TBC1D8: variants seen among roughly 807,000 people sequenced by gnomAD.
TBC1D8 encodes the protein TBC1 domain family member 8.
A neutral mutation model predicts 118.8 loss-of-function variants in TBC1D8; 65 were observed. The observed-to-expected ratio is 0.55, with a 90% confidence interval of 0.45 to 0.67. The LOEUF (loss-of-function observed/expected upper bound fraction) is 0.67. TBC1D8 is among the 30% of genes least tolerant of loss of function. TBC1D8 has a pLI of 0.00. For synonymous variants in TBC1D8, 566 were observed against 595.8 expected (o/e 0.95, Z 0.73); for missense variants, 1,376 against 1,471.2 (o/e 0.94, Z 1.06).
chr2:101,033,784 G>A (rs1396786193), intron 9 of TBC1D8, 26 bp from the exon 10 acceptor site: 11 of 1,602,656 alleles, frequency 6.9e-6, no homozygotes, highest in Non-Finnish European at 9.4e-6. Flanking sequence ...AATGTTTCAA[G>A]GGGGAATGAT....
intron 19 of TBC1D8, among the ~76,000 whole-genome samples, chr2:101,009,785 C>CCAAATGGTTA (rs1333630390): frequency 6.6e-6 from 1 of 151,426 alleles, no homozygotes; most frequent in Non-Finnish European, 1.5e-5. Flanking sequence ...TCGTAGTCCA[C>CCAAATGGTTA]AGCACCAAAA....
At chr2:101,098,553 A>C in intron 1 of TBC1D8, among the ~76,000 whole-genome samples, 1 of 152,214 alleles carries the variant, frequency 6.6e-6, no homozygotes, top group East Asian at 1.9e-4. Context: ...CCAAATCAAC[A>C]GTGTATACAT....
rs1328973603 is a variant in TBC1D8, at chr2:101,090,488, G to A, written c.128-124C>T. On this transcript the variant is annotated intron_variant, in intron 1 of 19. Transcript: ENST00000409318. ...GGTAGCAGAGACAGTTTTACATCCA[G>A]TTCTTCAACTCACCTCACAAAGCCT... is the stretch of plus-strand genomic sequence containing the variant. The A allele has an allele frequency of 9.9e-6, 10 of 1,011,192 alleles. No homozygotes were observed. The Admixed American group carries it at 1.0e-4, about 10-fold the overall frequency. The allele number at this position is 1,011,192 out of a possible 1,614,324, so 62.6% of individuals were successfully genotyped here.
intron 1 of TBC1D8, among the ~76,000 whole-genome samples, chr2:101,123,104 T>C (rs1369379435): frequency 6.6e-6 from 1 of 152,110 alleles, no homozygotes; most frequent in Non-Finnish European, 1.5e-5. Flanking sequence ...GGCATGGTGG[T>C]GCGCACCTTG....
intron 3 of TBC1D8, among the ~76,000 whole-genome samples, chr2:101,056,207 ATTT>A (rs201834408): frequency 1.4e-4 from 20 of 140,248 alleles, no homozygotes; most frequent in East Asian, 8.3e-4. Flanking sequence ...TATTATTATT[ATTT>A]TTTTTTTTTT....
At chr2:101,039,106 C>A (rs1213474654) in intron 6 of TBC1D8, among the ~76,000 whole-genome samples, 2 of 152,142 alleles carry the variant, frequency 1.3e-5, no homozygotes, top group Non-Finnish European at 2.9e-5. Flanking sequence ...GACAGTGTTT[C>A]CATTGTCAGT....
At chr2:101,037,474 C>G (rs576166535) in intron 8 of TBC1D8, 58 bp downstream of exon 8, 1 of 1,569,494 alleles carries the variant, frequency 6.4e-7, no homozygotes, top group Non-Finnish European at 8.6e-7. Flanking sequence ...AGCTGGGCAA[C>G]CCCCCCAAGC....
chr2:101,059,314 C>CAA (rs1483036728), intron 3 of TBC1D8, 107 bp downstream of exon 3: 22 of 833,426 alleles, frequency 2.6e-5, no homozygotes, highest in Non-Finnish European at 4.2e-5. Context: ...CGTATTGAGC[C>CAA]AAAAGTTCAG....
At chr2:101,039,969 AG>A (rs1211236171) in intron 6 of TBC1D8, among the ~76,000 whole-genome samples, 1 of 152,180 alleles carries the variant, frequency 6.6e-6, no homozygotes, top group Non-Finnish European at 1.5e-5. Flanking sequence ...AGGATGCCAT[AG>A]CAACAGCAGA....
chr2:101,039,317 C>T (rs141439852), intron 6 of TBC1D8, among the ~76,000 whole-genome samples: 8 of 152,274 alleles, frequency 5.3e-5, no homozygotes, highest in African/African-American at 1.9e-4. Flanking sequence ...AAAATGAAGA[C>T]ATCTACTACA....
intron 2 of TBC1D8, among the ~76,000 whole-genome samples, chr2:101,086,908 T>C (rs1675669428): frequency 6.6e-6 from 1 of 151,936 alleles, no homozygotes; most frequent in Non-Finnish European, 1.5e-5. Flanking sequence ...CTCAGCTTCC[T>C]GAGTAGCTGA....
chr2:101,099,334 C>T (rs887549306), intron 1 of TBC1D8, among the ~76,000 whole-genome samples: 3 of 152,134 alleles, frequency 2.0e-5, no homozygotes, highest in Admixed American at 6.5e-5. Context: ...CCTGAATAGA[C>T]CAATAACAAG....
At chr2:101,115,200 C>T (rs572595100) in intron 1 of TBC1D8, among the ~76,000 whole-genome samples, 42 of 152,294 alleles carry the variant, frequency 2.8e-4, no homozygotes, top group African/African-American at 9.6e-4. Flanking sequence ...GAAAATCTGT[C>T]CTTTTGACCC....
At chr2:101,034,501 G>C (rs893963385) in intron 9 of TBC1D8, among the ~76,000 whole-genome samples, 1 of 152,230 alleles carries the variant, frequency 6.6e-6, no homozygotes, top group Non-Finnish European at 1.5e-5. Context: ...GAAGTGCCCA[G>C]CCCAGAAAAC....
chr2:101,078,079 A>G (rs1345780881), intron 2 of TBC1D8, among the ~76,000 whole-genome samples: 1 of 152,136 alleles, frequency 6.6e-6, no homozygotes, highest in African/African-American at 2.4e-5. Flanking sequence ...CACACTGCTA[A>G]GATTGTATCC....
At chr2:101,091,186 G>A (rs1046631778) in intron 1 of TBC1D8, among the ~76,000 whole-genome samples, 2 of 152,172 alleles carry the variant, frequency 1.3e-5, no homozygotes, top group Admixed American at 6.5e-5. Context: ...TCGGGAGGCC[G>A]AGGCAAGAGA....
At chr2:101,106,871 CTT>C (rs1335070116) in intron 1 of TBC1D8, among the ~76,000 whole-genome samples, 1 of 152,190 alleles carries the variant, frequency 6.6e-6, no homozygotes, top group Admixed American at 6.5e-5. Context: ...GATATTCACA[CTT>C]TGTTATAGAA....
At chr2:101,139,708 T>G (rs1466321745) in intron 1 of TBC1D8, among the ~76,000 whole-genome samples, 3 of 152,168 alleles carry the variant, frequency 2.0e-5, no homozygotes, top group Non-Finnish European at 4.4e-5. Flanking sequence ...TGCCATTTCC[T>G]CTGCTCAGAC....
At chr2:101,034,474 A>G (rs187672296) in intron 9 of TBC1D8, among the ~76,000 whole-genome samples, 24 of 152,332 alleles carry the variant, frequency 1.6e-4, no homozygotes, top group Non-Finnish European at 2.1e-4. Context: ...CAGGTCTGAG[A>G]TGCACAAACT....
Sources: gnomAD v4.1 joint callset for allele counts (sites outside exome capture counted in the v4.1 genomes callset) on GRCh38, gnomAD v4.1.1 for gene constraint, MANE v1.5 for transcripts, NCBI Gene and HGNC (gene_info 2026-07-23, HGNC 2026-07-21) for gene names.